The following TMEM161B variants were observed in gnomAD, a reference collection of about 807,000 sequenced individuals.
TMEM161B encodes the protein transmembrane protein 161B.
A neutral mutation model predicts 61.8 loss-of-function variants in TMEM161B; 34 were observed. That is an observed-to-expected ratio of 0.55 (90% CI 0.42 to 0.73). The LOEUF is 0.73. Among genes scored for constraint, TMEM161B ranks in the 30% least tolerant of loss-of-function variants. The pLI, the probability that TMEM161B is intolerant of heterozygous loss-of-function variation, is 0.00. For synonymous variants in TMEM161B, 167 were observed against 192.8 expected, an observed-to-expected ratio of 0.87 and a Z score of 1.11; for missense variants, 456 against 558.5, an observed-to-expected ratio of 0.82 and a Z score of 1.85.
intron 7 of TMEM161B, 33 bp downstream of exon 7, chr5:88,206,406 A>T (rs1388793360): frequency 6.6e-7 from 1 of 1,524,430 alleles, no homozygotes; most frequent in Non-Finnish European, 8.9e-7. Flanking sequence ...AAAAGGTTAA[A>T]TTTAAATAAT....
intron 8 of TMEM161B, among the ~76,000 whole-genome samples, chr5:88,205,579 C>T (rs1000083978): frequency 1.3e-5 from 2 of 151,948 alleles, no homozygotes; most frequent in African/African-American, 4.8e-5. Flanking sequence ...TTGAGATTTT[C>T]ATTTTAACAG....
chr5:88,266,556 T>C (rs147852594), intron 1 of TMEM161B, among the ~76,000 whole-genome samples: 8 of 152,306 alleles, frequency 5.3e-5, no homozygotes, highest in African/African-American at 1.7e-4. Context: ...CAGGAGGAAT[T>C]TGGAACTCTT....
downstream of TMEM161B, among the ~76,000 whole-genome samples, chr5:88,190,886 T>G (rs1748755416): frequency 6.6e-6 from 1 of 152,228 alleles, no homozygotes; most frequent in African/African-American, 2.4e-5. Context: ...ATCTTAGAGA[T>G]TACAGTGTAC....
In TMEM161B at chr5:88,196,452, G is replaced by T. The variant is rs765067916; in HGVS notation, c.1223C>A (p.Ser408Tyr). ...TAGACTATTATCCACTGGTAAGGTAGAGATAGATTCTGGATAAATACCCCA... is the reference window on the plus strand; with the variant it reads ...TAGACTATTATCCACTGGTAAGGTATAGATAGATTCTGGATAAATACCCCA... Reference protein sequence around the residue: ...HSWGIYPESISTLPVDNSLLS... With the variant: ...HSWGIYPESIYTLPVDNSLLS... The change falls in exon 12 of 12, where the codon TCT becomes TAT. Residue 408 changes from serine to tyrosine, a missense_variant. Transcript: ENST00000296595. 1.2e-6 allele frequency: 2 copies of T among 1,611,768 alleles called. No individual in the cohort carries two copies. Among genetic ancestry groups the T allele is most frequent in the African/African-American group, 2.7e-5 (2 of 74,854 alleles).
At chr5:88,241,554 T>C (rs1298983564) in intron 1 of TMEM161B, among the ~76,000 whole-genome samples, 3 of 151,902 alleles carry the variant, frequency 2.0e-5, no homozygotes, top group African/African-American at 7.2e-5. Context: ...AAAAGTAATA[T>C]GCCTGGTTTT....
downstream of TMEM161B, among the ~76,000 whole-genome samples, chr5:88,189,448 A>C (rs1748572159): frequency 6.6e-6 from 1 of 152,114 alleles, no homozygotes. Context: ...TGCAGGTTTT[A>C]CATGGCTGTG....
At chr5:88,194,440 C>T (rs1384291349), downstream of TMEM161B, among the ~76,000 whole-genome samples, 1 of 152,074 alleles carries the variant, frequency 6.6e-6, no homozygotes, top group Admixed American at 6.6e-5. Flanking sequence ...ACTGTGAATA[C>T]TGCTTCAATA....
At chr5:88,223,463 A>G (rs547779117) in intron 4 of TMEM161B, among the ~76,000 whole-genome samples, 1 of 152,344 alleles carries the variant, frequency 6.6e-6, no homozygotes, top group South Asian at 2.1e-4. Context: ...ATTTTATACA[A>G]GTAAGCGCAT....
intron 8 of TMEM161B, among the ~76,000 whole-genome samples, chr5:88,205,231 C>T (rs1252236023): frequency 6.6e-6 from 1 of 152,028 alleles, no homozygotes; most frequent in Non-Finnish European, 1.5e-5. Flanking sequence ...TAACATATAA[C>T]TTCAGAACTA....
intron 5 of TMEM161B, among the ~76,000 whole-genome samples, chr5:88,214,837 T>C (rs773846937): frequency 2.6e-5 from 4 of 152,172 alleles, no homozygotes; most frequent in Non-Finnish European, 5.9e-5. Flanking sequence ...AGGAGTGAGA[T>C]TGAAAGCAGC....
intron 5 of TMEM161B, 24 bp downstream of exon 5, chr5:88,220,539 T>A (rs748927281): frequency 1.1e-5 from 16 of 1,511,270 alleles, no homozygotes; most frequent in Non-Finnish European, 1.4e-5. Context: ...AATAAATTAA[T>A]ATTAATGATG....
downstream of TMEM161B, among the ~76,000 whole-genome samples, chr5:88,193,546 G>T (rs1482466196): frequency 1.3e-5 from 2 of 151,982 alleles, no homozygotes; most frequent in Admixed American, 1.3e-4. Context: ...AACCAAACCT[G>T]TTACTTAAAA....
chr5:88,263,107 A>C (rs1386087063), intron 1 of TMEM161B, among the ~76,000 whole-genome samples: 1 of 152,158 alleles, frequency 6.6e-6, no homozygotes, highest in Non-Finnish European at 1.5e-5. Flanking sequence ...GATACACTGT[A>C]CTACAATAAT....
At position 88,228,505 on chromosome 5, in the gene TMEM161B, G is replaced by C; in HGVS notation, c.131C>G (p.Thr44Arg). ...NGSLRWYQHP[T>R]EEELRILAGK... ...TGCAAGAATTCTTAATTCTTCTTCT[G>C]TAGGATGTTGATACCACCTCAAACT... Residue 44 changes from threonine to arginine, a missense_variant, in exon 3 of 12, where the codon ACA becomes AGA. Coordinates refer to ENST00000296595, the MANE Select transcript of TMEM161B (RefSeq NM_153354.5). The C allele has an allele frequency of 6.2e-7, 1 of 1,605,964 alleles. No individual in the cohort carries two copies. Among genetic ancestry groups the C allele is most frequent in the Non-Finnish European group, 8.5e-7 (1 of 1,177,426 alleles).
chr5:88,214,954 AT>A (rs1747547918), intron 5 of TMEM161B, among the ~76,000 whole-genome samples: 1 of 152,216 alleles, frequency 6.6e-6, no homozygotes, highest in African/African-American at 2.4e-5. Flanking sequence ...AGTGTCACAA[AT>A]TTTAAAAAGT....
intron 1 of TMEM161B, among the ~76,000 whole-genome samples, chr5:88,245,538 T>C (rs1753482172): frequency 6.6e-6 from 1 of 151,958 alleles, no homozygotes; most frequent in Non-Finnish European, 1.5e-5. Flanking sequence ...ACACGGAATC[T>C]TCAAGGTCAT....
intron 1 of TMEM161B, among the ~76,000 whole-genome samples, chr5:88,243,522 G>A (rs1020372749): frequency 3.3e-5 from 5 of 151,920 alleles, no homozygotes; most frequent in African/African-American, 4.8e-5. Flanking sequence ...TTGATTCCAT[G>A]TCTTTGCTAT....
At position 88,203,765 on chromosome 5, in the gene TMEM161B, AT is replaced by A. The variant is rs1744870934; in HGVS notation, c.801-691del. Among the ~76,000 whole-genome samples the A allele has an allele frequency of 2.5e-3, 7 of 2,766 alleles. 1 individual carries two copies. The highest frequency in any genetic ancestry group is 0.016 in the South Asian group (2 of 124). The allele number at this position is 2,766 out of a possible 152,430, so 1.8% of individuals were successfully genotyped here. ...ATTTCCCTATCATATATATATATATATATATATATATATATATATATATATA... is the reference window on the plus strand; with the variant it reads ...ATTTCCCTATCATATATATATATATAATATATATATATATATATATATATA... On this transcript the variant is annotated intron_variant, in intron 8 of 11. Coordinates refer to ENST00000296595, the MANE Select transcript of TMEM161B (RefSeq NM_153354.5).
At chr5:88,255,960 C>T (rs967342257) in intron 1 of TMEM161B, among the ~76,000 whole-genome samples, 13 of 151,968 alleles carry the variant, frequency 8.6e-5, no homozygotes, top group Non-Finnish European at 1.2e-4. Flanking sequence ...TCCAGACTTT[C>T]GGATAAAGAT....
Sources: gnomAD v4.1 joint callset for allele counts (sites outside exome capture counted in the v4.1 genomes callset) on GRCh38, gnomAD v4.1.1 for gene constraint, MANE v1.5 for transcripts, NCBI Gene and HGNC (gene_info 2026-07-23, HGNC 2026-07-21) for gene names.